SDC3: variants seen among roughly 807,000 people sequenced by gnomAD.
SDC3 encodes the protein syndecan-3.
SDC3 carries 13 observed loss-of-function variants against 24.4 expected under a neutral mutation model. The ratio of observed to expected loss-of-function variants is 0.53; its 90% CI spans 0.35 to 0.85. The LOEUF is 0.85. Ranked by LOEUF, SDC3 falls within the 40% of genes least tolerant of loss-of-function variation. The probability of loss-of-function intolerance (pLI) is 0.01; values close to 1 mark genes in which losing one functional copy is unlikely to be tolerated. For synonymous variants in SDC3, 295 were observed against 260.9 expected, an observed-to-expected ratio of 1.13 and a Z score of -1.26; for missense variants, 571 against 584.5, an observed-to-expected ratio of 0.98 and a Z score of 0.24.
At chr1:30,903,763 G>A (rs1313079261) in intron 1 of SDC3, among the ~76,000 whole-genome samples, 2 of 152,190 alleles carry the variant, frequency 1.3e-5, no homozygotes, top group Non-Finnish European at 2.9e-5. Context: ...CCCCAGAGAG[G>A]TAAAGCAGCT....
intron 1 of SDC3, among the ~76,000 whole-genome samples, chr1:30,900,479 AGACT>A (rs1056396018): frequency 1.3e-5 from 2 of 152,162 alleles, no homozygotes; most frequent in African/African-American, 2.4e-5. Flanking sequence ...CAGAGGGTAA[AGACT>A]GACACAGGCA....
intron 1 of SDC3, among the ~76,000 whole-genome samples, chr1:30,879,388 C>A (rs941607625): frequency 6.6e-6 from 1 of 152,210 alleles, no homozygotes; most frequent in South Asian, 2.1e-4. Context: ...TGGAGTGGAA[C>A]AATTAGTGTA....
intron 1 of SDC3, among the ~76,000 whole-genome samples, chr1:30,895,460 T>A (rs1188705381): frequency 1.3e-5 from 2 of 152,066 alleles, no homozygotes; most frequent in African/African-American, 4.8e-5. Context: ...AGAGGCCATG[T>A]AGGGGCTTCA....
rs1196420689 is a variant in SDC3 at position 30,904,408 on chromosome 1, C to T, written c.138+4041G>A. 2.6e-5 allele frequency among the ~76,000 whole-genome samples: 4 copies of T among 152,066 alleles called. No homozygotes were observed. In the South Asian group the frequency reaches 8.3e-4, roughly 32 times the overall value. ...CACCACTGCCACCACTCCTGCTGCC[C>T]CGGACCCCCCAGGGACCCTATGCCC... On this transcript the variant is annotated intron_variant, in intron 1 of 4. Coordinates refer to ENST00000339394, the MANE Select transcript of SDC3 (RefSeq NM_014654.4).
intron 3 of SDC3, 25 bp downstream of exon 3, chr1:30,876,527 C>T (rs1639639509): frequency 6.7e-7 from 1 of 1,491,424 alleles, no homozygotes; most frequent in Non-Finnish European, 9.0e-7. Context: ...CCGCCCTCCT[C>T]CCTGTCCCTT....
Position 30,908,518 on chromosome 1 carries a change from G to A in SDC3, c.69C>T (p.Ala23=). The change falls in exon 1 of 5, where the codon GCC becomes GCT. Residue 23 remains alanine, a synonymous_variant. Coordinates refer to ENST00000339394, the MANE Select transcript of SDC3 (RefSeq NM_014654.4). ...HGAGAGAGAA[A]GPGARGLLLP... is the part of the protein sequence containing the mutation. ...GGAGCAGCCCGCGGGCCCCGGGCCC[G>A]GCCGCGGCCCCGGCCCCGGCGCCGG... is the stretch of plus-strand genomic sequence containing the variant. 3.1e-6 allele frequency: 3 copies of A among 975,492 alleles called. No homozygotes were observed. The highest frequency in any genetic ancestry group is 3.6e-6 in the Non-Finnish European group (3 of 825,188). The allele number at this position is 975,492 out of a possible 1,614,324, so 60.4% of individuals were successfully genotyped here.
Position 30,876,929 on chromosome 1 carries a change from T to TA in SDC3, c.492dup (p.Thr165TyrfsTer105). Reference sequence around the variant, plus strand: ...TCCCCTGTGCTTGTGGCAGCAGTGGTAGCCATGGTAGTGGAGACGGTGGTG... The same window carrying TA: ...TCCCCTGTGCTTGTGGCAGCAGTGGTAAGCCATGGTAGTGGAGACGGTGGTG... On this transcript the variant is annotated frameshift_variant, in exon 3 of 5. Coordinates refer to ENST00000339394, the MANE Select transcript of SDC3 (RefSeq NM_014654.4). LOFTEE classifies it high-confidence loss of function. The TA allele has an allele frequency of 6.2e-7, 1 of 1,613,674 alleles. No individual in the cohort carries two copies. Among genetic ancestry groups the TA allele is most frequent in the Non-Finnish European group, 8.5e-7 (1 of 1,179,886 alleles).
chr1:30,875,467 G>T (rs1287254010), intron 3 of SDC3, among the ~76,000 whole-genome samples: 1 of 152,184 alleles, frequency 6.6e-6, no homozygotes, highest in Non-Finnish European at 1.5e-5. Context: ...TGCTAGAGCT[G>T]GCTGGGGAGT....
intron 1 of SDC3, among the ~76,000 whole-genome samples, chr1:30,906,625 T>G (rs189430017): frequency 1.3e-5 from 2 of 152,188 alleles, no homozygotes; most frequent in South Asian, 2.1e-4. Context: ...GAGCTCCTTC[T>G]CAGGACACTC....
Position 30,869,558 on chromosome 1 carries a change from A to C in SDC3, c.*3653T>G. On this transcript the variant is annotated 3_prime_UTR_variant, in exon 5 of 5. Coordinates refer to ENST00000339394, the MANE Select transcript of SDC3 (RefSeq NM_014654.4). ...AAACAAAAAAAAAAAAAAAAAAAAAAAAACAAAAACAAAACCAGTTCCTTC... is the reference window on the plus strand; with the variant it reads ...AAACAAAAAAAAAAAAAAAAAAAAACAAACAAAAACAAAACCAGTTCCTTC... 1 of 395,070 alleles carries C rather than the reference A, an allele frequency of 2.5e-6. No homozygotes were observed. Among genetic ancestry groups the C allele is most frequent in the Non-Finnish European group, 4.4e-6 (1 of 225,266 alleles). The allele number at this position is 395,070 out of a possible 1,614,324, so 24.5% of individuals were successfully genotyped here. A position where few individuals can be genotyped will look rare whatever the true frequency, so the allele number is the denominator to read the frequency against.
intron 1 of SDC3, among the ~76,000 whole-genome samples, chr1:30,893,024 A>T (rs1639928656): frequency 6.6e-6 from 1 of 152,150 alleles, no homozygotes; most frequent in Admixed American, 6.5e-5. Flanking sequence ...GGCCAGCCCA[A>T]CAGCCAAGTT....
Position 30,873,305 on chromosome 1 carries a change from T to C in SDC3, c.1235A>G (p.Lys412Arg), listed in dbSNP as rs754875135. Residue 412 changes from lysine (K) to arginine (R), a missense_variant, in exon 5 of 5, where the codon AAG becomes AGG. By Grantham distance (26) the Lys-to-Arg change is conservative. Around this residue, in one of 2 missense-constraint regions of SDC3, gnomAD observed 74 missense variants for 112.9 expected, o/e 0.66. Coordinates refer to ENST00000339394, the MANE Select transcript of SDC3 (RefSeq NM_014654.4). ...CGTGTAGCTGCCCTCATCCTTTTTC[T>C]TCATACGATAGATGAGCAGTGTGAC... ...FLVTLLIYRM[K>R]KKDEGSYTLE... The C allele has an allele frequency of 6.2e-7, 1 of 1,613,342 alleles. No individual in the cohort carries two copies. The highest frequency in any genetic ancestry group is 1.7e-5 in the Admixed American group (1 of 60,016).
intron 1 of SDC3, among the ~76,000 whole-genome samples, chr1:30,885,795 T>C (rs560861842): frequency 1.3e-5 from 2 of 152,276 alleles, no homozygotes; most frequent in Admixed American, 6.5e-5. Flanking sequence ...ATCAGCCCTG[T>C]TCCTGGCTCA....
Position 30,871,146 on chromosome 1 carries a change from C to T in SDC3, c.*2065G>A, listed in dbSNP as rs1365816217. On this transcript the variant is annotated 3_prime_UTR_variant, in exon 5 of 5. Transcript: ENST00000339394. ...GGTTTTGGGACTGGAAGATGGAGCC[C>T]AGCCTGGAAAAGACAGGCTGTGGGA... The T allele has an allele frequency of 6.6e-6, 1 of 152,324 alleles. No homozygotes were observed. Among genetic ancestry groups the T allele is most frequent in the Non-Finnish European group, 1.5e-5 (1 of 68,150 alleles). 9.4% of individuals were successfully genotyped at this position (152,324 alleles called of 1,614,324 possible).
chr1:30,889,812 T>C (rs1452886870), intron 1 of SDC3, among the ~76,000 whole-genome samples: 1 of 152,180 alleles, frequency 6.6e-6, no homozygotes, highest in African/African-American at 2.4e-5. Flanking sequence ...AAATGTTAAA[T>C]GGAGTTTCCA....
At position 30,873,255 on chromosome 1, in the gene SDC3, C is replaced by A. The variant is rs138480380; in HGVS notation, c.1285G>T (p.Val429Phe). The A allele has an allele frequency of 6.2e-7, 1 of 1,613,818 alleles. No homozygotes were observed. The highest frequency in any genetic ancestry group is 8.5e-7 in the Non-Finnish European group (1 of 1,179,690). The change falls in exon 5 of 5, where the codon GTC becomes TTC. Residue 429 changes from valine to phenylalanine, a missense_variant. Physicochemically the swap from Val to Phe is conservative, Grantham distance 50. Transcript: ENST00000339394. ...TGCTTGTCAGGCTTCTGGTATGTGA[C>A]GCTCGCCTGCTTGGGTTCCTCCAGC... ...YTLEEPKQAS[V>F]TYQKPDKQEE...
chr1:30,875,727 A>C, intron 3 of SDC3, among the ~76,000 whole-genome samples: 1 of 152,196 alleles, frequency 6.6e-6, no homozygotes, highest in East Asian at 1.9e-4. Context: ...ACACACATGC[A>C]GCCCTGGCCC....
At chr1:30,885,895 C>T (rs1262214784) in intron 1 of SDC3, among the ~76,000 whole-genome samples, 2 of 152,216 alleles carry the variant, frequency 1.3e-5, no homozygotes, top group African/African-American at 4.8e-5. Flanking sequence ...GCTGACAATG[C>T]AACCCTGGGA....
chr1:30,886,815 T>C (rs182403848), intron 1 of SDC3, among the ~76,000 whole-genome samples: 117 of 152,302 alleles, frequency 7.7e-4, no homozygotes, highest in African/African-American at 2.5e-3. Flanking sequence ...GTTCCTTATA[T>C]GCACATTGCC....
Sources: gnomAD v4.1 joint callset for allele counts (sites outside exome capture counted in the v4.1 genomes callset) on GRCh38, gnomAD v4.1.1 for gene constraint, gnomAD v4.1.1 regional missense constraint, MANE v1.5 for transcripts, NCBI Gene and HGNC (gene_info 2026-07-23, HGNC 2026-07-21) for gene names.